Variants in RAB3GAP1 observed in about 807,000 individuals in gnomAD.
The protein encoded by RAB3GAP1 is RAB3 GTPase activating protein catalytic subunit 1.
RAB3GAP1 carries 86 observed loss-of-function variants against 130.7 expected under a neutral mutation model. The observed-to-expected ratio is 0.66, with a 90% CI of 0.55 to 0.79. The LOEUF is 0.79. Ranked by LOEUF, RAB3GAP1 falls within the 30% of genes least tolerant of loss-of-function variation. RAB3GAP1 has a pLI of 0.00. For missense variants in RAB3GAP1, 1,029 were observed against 1,169.4 expected, an observed-to-expected ratio of 0.88 and a Z score of 1.75; for synonymous variants, 367 against 401.7, an observed-to-expected ratio of 0.91 and a Z score of 1.03.
chr2:135,089,340 G>T (rs1690075228), intron 3 of RAB3GAP1, among the ~76,000 whole-genome samples: 1 of 152,020 alleles, frequency 6.6e-6, no homozygotes, highest in African/African-American at 2.4e-5. Flanking sequence ...CTCCAGCTTT[G>T]TTCTTTTTGC....
chr2:135,175,474 C>A (rs2105016033), downstream of RAB3GAP1: 1 of 152,332 alleles, frequency 6.6e-6, no homozygotes, highest in African/African-American at 2.4e-5. Flanking sequence ...AACAATGCAA[C>A]CAACAATCCT....
intron 3 of RAB3GAP1, among the ~76,000 whole-genome samples, chr2:135,076,520 A>G (rs996613006): frequency 6.6e-5 from 10 of 152,094 alleles, no homozygotes; most frequent in Middle Eastern, 3.4e-3. Context: ...ATGCTGACCA[A>G]TTTTCTACTG....
At position 135,169,783 on chromosome 2, in the gene RAB3GAP1, A is replaced by G; in HGVS notation, c.*1002A>G. 1 of 456,040 alleles carries G rather than the reference A, an allele frequency of 2.2e-6. No individual in the cohort carries two copies. The highest frequency in any genetic ancestry group is 4.4e-6 in the Non-Finnish European group (1 of 226,626). 28.2% of individuals were successfully genotyped at this position (456,040 alleles called of 1,614,324 possible). ...AGCCCCCCCGTGTGAGGATGACATC[A>G]CCACATTTCTAGTTTCATGGAGCTC... On this transcript the variant is annotated 3_prime_UTR_variant, in exon 24 of 24. Coordinates refer to ENST00000264158, the MANE Select transcript of RAB3GAP1 (RefSeq NM_012233.3).
At chr2:135,078,796 C>T (rs1689704801) in intron 3 of RAB3GAP1, among the ~76,000 whole-genome samples, 1 of 151,310 alleles carries the variant, frequency 6.6e-6, no homozygotes, top group South Asian at 2.1e-4. Context: ...TCCTCTGCCT[C>T]AGCCTCTGGA....
chr2:135,150,669 A>G (rs1461570046), intron 18 of RAB3GAP1, among the ~76,000 whole-genome samples, 163 bp downstream of exon 18: 2 of 152,222 alleles, frequency 1.3e-5, no homozygotes, highest in Non-Finnish European at 2.9e-5. Context: ...CAGAGGACAT[A>G]GTCAAACTTG....
At chr2:135,081,047 T>C (rs1235760271) in intron 3 of RAB3GAP1, among the ~76,000 whole-genome samples, 2 of 152,090 alleles carry the variant, frequency 1.3e-5, no homozygotes, top group Non-Finnish European at 2.9e-5. Context: ...ATAATACATA[T>C]ACTGAGCTGG....
intron 9 of RAB3GAP1, among the ~76,000 whole-genome samples, chr2:135,125,679 A>G (rs1384881316): frequency 6.6e-6 from 1 of 152,250 alleles, no homozygotes; most frequent in East Asian, 1.9e-4. Context: ...TAGACAGTGT[A>G]GGTACACTAG....
chr2:135,175,905 A>C (rs1485109186), intron 24 of RAB3GAP1, among the ~76,000 whole-genome samples: 1 of 152,250 alleles, frequency 6.6e-6, no homozygotes, highest in African/African-American at 2.4e-5. Flanking sequence ...TTATTGAAAA[A>C]GAATTAAAAG....
chr2:135,132,677 A>G (rs759319548), intron 13 of RAB3GAP1, among the ~76,000 whole-genome samples: 3 of 152,182 alleles, frequency 2.0e-5, no homozygotes, highest in Non-Finnish European at 2.9e-5. Context: ...AAAAATTCTA[A>G]TTTCTAAAAT....
rs77861815 is a variant in RAB3GAP1 at position 135,101,800 on chromosome 2, TA to T, written c.362+8108del. 1.4e-3 allele frequency among the ~76,000 whole-genome samples: 205 copies of T among 151,628 alleles called. 2 individuals are homozygous for T. The highest frequency in any genetic ancestry group is 6.9e-3 in the Middle Eastern group (2 of 290). On this transcript the variant is annotated intron_variant, in intron 5 of 23. Coordinates refer to ENST00000264158, the MANE Select transcript of RAB3GAP1 (RefSeq NM_012233.3). Reference sequence around the variant, plus strand: ...TATCCTTTAAATACTTTTCTTTTTTTATTTTCTTTAAATATCTTCTAGTGGG... The same window carrying T: ...TATCCTTTAAATACTTTTCTTTTTTTTTTTCTTTAAATATCTTCTAGTGGG...
intron 20 of RAB3GAP1, 39 bp from the exon 21 acceptor site, chr2:135,162,709 T>C: frequency 6.2e-7 from 1 of 1,605,942 alleles, no homozygotes. Context: ...ATATTTTGCT[T>C]AATTTATTTA....
At position 135,120,931 on chromosome 2, in the gene RAB3GAP1, A is replaced by G; in HGVS notation, c.748+13A>G. 1 of 1,516,018 alleles carries G rather than the reference A, an allele frequency of 6.6e-7. No homozygotes were observed. The highest frequency in any genetic ancestry group is 9.2e-7 in the Non-Finnish European group (1 of 1,090,814). The allele number at this position is 1,516,018 out of a possible 1,614,324, so 93.9% of individuals were successfully genotyped here. A position where few individuals can be genotyped will look rare whatever the true frequency, so the allele number is the denominator to read the frequency against. ...CAGCAACCTCCAGGTGAGATCATTT[A>G]GAACTATATTTAACTTACTGAATAT... On this transcript the variant is annotated intron_variant, in intron 8 of 23. Coordinates refer to ENST00000264158, the MANE Select transcript of RAB3GAP1 (RefSeq NM_012233.3).
intron 2 of RAB3GAP1, among the ~76,000 whole-genome samples, chr2:135,055,117 G>T (rs1397130777): frequency 6.6e-6 from 1 of 152,138 alleles, no homozygotes; most frequent in Admixed American, 6.5e-5. Flanking sequence ...GTGCAGTCTA[G>T]TGCATTACAG....
intron 22 of RAB3GAP1, 50 bp from the exon 23 acceptor site, chr2:135,164,544 G>T: frequency 7.0e-7 from 1 of 1,424,718 alleles, no homozygotes; most frequent in African/African-American, 1.4e-5. Flanking sequence ...ACGCCCAGTG[G>T]CCTGGACAGC....
At position 135,115,465 on chromosome 2, in the gene RAB3GAP1, A is replaced by G. The variant is rs1454428357; in HGVS notation, c.648+84A>G. 3.8e-6 allele frequency: 5 copies of G among 1,326,248 alleles called. No individual in the cohort carries two copies. The African/African-American group carries it at 5.8e-5, about 15-fold the overall frequency. 82.2% of individuals were successfully genotyped at this position (1,326,248 alleles called of 1,614,324 possible). A position where few individuals can be genotyped will look rare whatever the true frequency, so the allele number is the denominator to read the frequency against. On this transcript the variant is annotated intron_variant, in intron 7 of 23. Coordinates refer to ENST00000264158, the MANE Select transcript of RAB3GAP1 (RefSeq NM_012233.3). Reference sequence around the variant, plus strand: ...ATCATTTTATTCAGCATATAGAAACATTTCTCTATAATATTGATAATGTAA... The same window carrying G: ...ATCATTTTATTCAGCATATAGAAACGTTTCTCTATAATATTGATAATGTAA...
chr2:135,107,512 T>A (rs1690662914), intron 5 of RAB3GAP1, among the ~76,000 whole-genome samples: 2 of 152,086 alleles, frequency 1.3e-5, no homozygotes, highest in South Asian at 4.1e-4. Flanking sequence ...ATGTGTATTA[T>A]AATATCTAAA....
intron 3 of RAB3GAP1, among the ~76,000 whole-genome samples, chr2:135,063,995 T>C (rs1197770938): frequency 6.6e-6 from 1 of 152,180 alleles, no homozygotes; most frequent in Non-Finnish European, 1.5e-5. Flanking sequence ...TTGATGCTTA[T>C]TTTTTTCCAC....
intron 11 of RAB3GAP1, among the ~76,000 whole-genome samples, chr2:135,129,582 G>T (rs939067311): frequency 6.6e-6 from 1 of 151,902 alleles, no homozygotes; most frequent in Non-Finnish European, 1.5e-5. Context: ...TGTCTTTAGC[G>T]TTTCTTCTTA....
intron 3 of RAB3GAP1, among the ~76,000 whole-genome samples, chr2:135,064,117 AT>A (rs904031502): frequency 2.2e-4 from 34 of 151,950 alleles, no homozygotes; most frequent in African/African-American, 7.7e-4. Context: ...TGCTTTTGAG[AT>A]TTTTTTATTT....
Sources: allele counts gnomAD v4.1 joint callset (sites outside exome capture counted in the v4.1 genomes callset), GRCh38; gene constraint gnomAD v4.1.1; transcripts MANE v1.5; gene names NCBI Gene and HGNC (gene_info 2026-07-23, HGNC 2026-07-21).